Variants in HIVEP3 observed in about 807,000 individuals in gnomAD.
HIVEP3 encodes the protein HIVEP zinc finger 3.
In HIVEP3, 49 loss-of-function variants were observed where a neutral mutation model predicts 152.8. That is an observed-to-expected ratio of 0.32 (90% CI 0.26 to 0.41). The LOEUF is 0.41. HIVEP3 is among the 10% of genes least tolerant of loss of function. The pLI, the probability that HIVEP3 is intolerant of heterozygous loss-of-function variation, is 1.00. For missense variants in HIVEP3, 2,790 were observed against 3,103.3 expected (o/e 0.90, Z 2.40); for synonymous variants, 1,269 against 1,289.0 (o/e 0.98, Z 0.33).
chr1:41,883,175 C>G (rs1644290278), intron 1 of HIVEP3, among the ~76,000 whole-genome samples: 1 of 151,910 alleles, frequency 6.6e-6, no homozygotes, highest in Non-Finnish European at 1.5e-5. Context: ...ATATAGACAA[C>G]CTAGGAGGTC....
chr1:41,753,702 T>A (rs533755078), intron 1 of HIVEP3, among the ~76,000 whole-genome samples: 1 of 150,088 alleles, frequency 6.7e-6, no homozygotes, highest in South Asian at 2.1e-4. Flanking sequence ...AATAAATAAA[T>A]AAATAAAAAT....
At chr1:41,996,389 CAA>C (rs55853325) in intron 1 of HIVEP3, among the ~76,000 whole-genome samples, 4 of 141,792 alleles carry the variant, frequency 2.8e-5, no homozygotes, top group East Asian at 2.1e-4. Flanking sequence ...GAACCTATCT[CAA>C]AAAAAAAAAA....
In HIVEP3 at chr1:41,510,758, G is replaced by C. The variant is rs545866339; in HGVS notation, c.6914C>G (p.Thr2305Arg). 3 of 1,591,856 alleles carry C rather than the reference G, an allele frequency of 1.9e-6. No individual in the cohort carries two copies. The highest frequency in any genetic ancestry group is 2.6e-6 in the Non-Finnish European group (3 of 1,169,426). ...GTCGGGTGGGGTGCAGGGGCTGTGC[G>C]TGGGTGTGGGCTCTGCAGGTGCCCC... ...GTGAPAEPTP[T>R]HSPCTPPDTL... The change falls in exon 9 of 9, where the codon ACG becomes AGG. Residue 2305 changes from threonine to arginine, a missense_variant. This residue lies in a region of HIVEP3 where 816 missense variants were observed against 806.5 expected (regional missense o/e 1.01). Coordinates refer to ENST00000372583, the MANE Select transcript of HIVEP3 (RefSeq NM_024503.5).
intron 1 of HIVEP3, among the ~76,000 whole-genome samples, chr1:42,023,863 G>A (rs6600396): frequency 0.68 from 103,271 of 152,034 alleles, 35,704 homozygotes; most frequent in East Asian, 0.95. Context: ...ATTGTGTAAA[G>A]TGATAGTCGA....
chr1:41,906,452 T>A (rs1290090054), intron 1 of HIVEP3, among the ~76,000 whole-genome samples: 1 of 152,148 alleles, frequency 6.6e-6, no homozygotes, highest in East Asian at 1.9e-4. Flanking sequence ...GGGTGCATAT[T>A]TTATGATTTT....
intron 1 of HIVEP3, among the ~76,000 whole-genome samples, chr1:41,781,214 C>G (rs1306657646): frequency 6.6e-6 from 1 of 152,138 alleles, no homozygotes; most frequent in East Asian, 1.9e-4. Flanking sequence ...CCAGACCATG[C>G]CTGAAGGGGT....
chr1:41,681,930 C>T (rs1207050322), intron 2 of HIVEP3, among the ~76,000 whole-genome samples: 1 of 152,202 alleles, frequency 6.6e-6, no homozygotes, highest in Non-Finnish European at 1.5e-5. Context: ...AAGCCCTGCT[C>T]AGGCACATCC....
rs189467692 is a variant in HIVEP3 at position 41,865,840 on chromosome 1, A to C, written c.-801+52573T>G. 2.4e-3 allele frequency among the ~76,000 whole-genome samples: 368 copies of C among 152,344 alleles called. 1 individual carries two copies. The highest frequency in any genetic ancestry group is 7.9e-3 in the African/African-American group (327 of 41,562). The stretch of plus-strand genomic sequence containing the variant: ...ATGAGCTAATACCAAGGTTAACACT[A>C]TCTGTCCATTACACGTAGCTTTGGG... On this transcript the variant is annotated intron_variant, in intron 1 of 8. Transcript: ENST00000372583.
At chr1:41,987,783 A>C (rs1645332723) in intron 1 of HIVEP3, among the ~76,000 whole-genome samples, 1 of 152,226 alleles carries the variant, frequency 6.6e-6, no homozygotes, top group Non-Finnish European at 1.5e-5. Flanking sequence ...GGCTTAATTG[A>C]CTCAGTTCTG....
At chr1:41,661,950 CG>C (rs1405422903) in intron 2 of HIVEP3, among the ~76,000 whole-genome samples, 5 of 152,272 alleles carry the variant, frequency 3.3e-5, no homozygotes, top group African/African-American at 1.2e-4. Context: ...GCGAAGAAGC[CG>C]GGGCCCCTCA....
chr1:41,566,683 C>G (rs748340406), intron 5 of HIVEP3, among the ~76,000 whole-genome samples: 17 of 152,140 alleles, frequency 1.1e-4, no homozygotes, highest in Non-Finnish European at 4.4e-5. Context: ...TGCACAGGGC[C>G]CTGTTGAATG....
intron 5 of HIVEP3, among the ~76,000 whole-genome samples, chr1:41,565,756 T>C (rs935726882): frequency 6.6e-6 from 1 of 151,952 alleles, no homozygotes; most frequent in Non-Finnish European, 1.5e-5. Context: ...CTCAGGGGAC[T>C]ACCAGGGGCT....
Position 41,523,795 on chromosome 1 carries a change from A to G in HIVEP3, c.5383+940T>C, listed in dbSNP as rs540718365. The stretch of plus-strand genomic sequence containing the variant: ...CTCCCAGAAGCCCCCAACTTGCTCA[A>G]AGGAGAAGACAGGACCCTGATGTCC... On this transcript the variant is annotated intron_variant, in intron 6 of 8. Coordinates refer to ENST00000372583, the MANE Select transcript of HIVEP3 (RefSeq NM_024503.5). Among the ~76,000 whole-genome samples the G allele has an allele frequency of 9.7e-4, 148 of 152,314 alleles. 1 individual carries two copies. The highest frequency in any genetic ancestry group is 3.1e-3 in the African/African-American group (127 of 41,564).
At chr1:41,939,266 A>G (rs1645034604) in intron 1 of HIVEP3, among the ~76,000 whole-genome samples, 1 of 152,200 alleles carries the variant, frequency 6.6e-6, no homozygotes, top group East Asian at 1.9e-4. Flanking sequence ...TTTATTTTGG[A>G]AGCCCTCTGT....
intron 1 of HIVEP3, among the ~76,000 whole-genome samples, chr1:41,910,576 A>G (rs1644780349): frequency 6.6e-6 from 1 of 152,002 alleles, no homozygotes; most frequent in East Asian, 1.9e-4. Context: ...AGTACAACAC[A>G]CTCATGAAGA....
chr1:41,765,435 T>C (rs1039997), intron 1 of HIVEP3, among the ~76,000 whole-genome samples: 45,828 of 152,052 alleles, frequency 0.3, 7,912 homozygotes, highest in East Asian at 0.47. Context: ...CAGCACAAGC[T>C]CTCAAGTCAG....
chr1:41,820,731 G>A (rs1447604313), intron 1 of HIVEP3, among the ~76,000 whole-genome samples: 1 of 152,196 alleles, frequency 6.6e-6, no homozygotes, highest in African/African-American at 2.4e-5. Flanking sequence ...CAATTTTAAA[G>A]TGTCTAGTCC....
At chr1:41,536,900 T>A (rs1643415122) in intron 5 of HIVEP3, among the ~76,000 whole-genome samples, 1 of 152,020 alleles carries the variant, frequency 6.6e-6, no homozygotes, top group African/African-American at 2.4e-5. Flanking sequence ...GTTAATGGAG[T>A]CAGAATTTGA....
chr1:41,947,794 A>G (rs1291045397), intron 1 of HIVEP3, among the ~76,000 whole-genome samples: 1 of 152,214 alleles, frequency 6.6e-6, no homozygotes, highest in East Asian at 1.9e-4. Context: ...GGTTGGCCTC[A>G]TTGTTTATGG....
Sources: gnomAD v4.1 joint callset for allele counts (sites outside exome capture counted in the v4.1 genomes callset) on GRCh38, gnomAD v4.1.1 for gene constraint, gnomAD v4.1.1 regional missense constraint, MANE v1.5 for transcripts, NCBI Gene and HGNC (gene_info 2026-07-23, HGNC 2026-07-21) for gene names.